The following KTN1 variants were observed in gnomAD, a reference collection of about 807,000 sequenced individuals.
KTN1 encodes the protein kinectin.
Under a neutral mutation model 222.5 loss-of-function variants are expected in KTN1, and 130 were observed. That is an observed-to-expected ratio of 0.58 (90% CI 0.51 to 0.68). The LOEUF (loss-of-function observed/expected upper bound fraction) is 0.68. Among genes scored for constraint, KTN1 ranks in the 30% least tolerant of loss-of-function variants. The pLI, the probability that KTN1 is intolerant of heterozygous loss-of-function variation, is 0.00. For missense variants in KTN1, 1,508 were observed against 1,500.4 expected, an observed-to-expected ratio of 1.01 and a Z score of -0.08; for synonymous variants, 512 against 496.3, an observed-to-expected ratio of 1.03 and a Z score of -0.42.
chr14:55,625,957 G>C lies in KTN1; in HGVS notation c.964-1955G>C, dbSNP rs972768553. ...ATTTACTGGATTTTTTTCAGTGTCT[G>C]ACCTACTCTACACACATCAAGGGAT... On this transcript the variant is annotated intron_variant, in intron 5 of 43. Coordinates refer to ENST00000395314, the MANE Select transcript of KTN1 (RefSeq NM_001079521.2). 2.0e-5 allele frequency among the ~76,000 whole-genome samples: 3 copies of C among 151,764 alleles called. No individual in the cohort carries two copies. In the South Asian group the frequency reaches 6.3e-4, roughly 32 times the overall value.
intron 1 of KTN1, among the ~76,000 whole-genome samples, chr14:55,587,584 A>G (rs1555354866): frequency 6.7e-6 from 1 of 148,252 alleles, no homozygotes; most frequent in Non-Finnish European, 1.5e-5. Context: ...GGTTGAATTC[A>G]CTTACGTGCC....
chr14:55,587,583 CA>C (rs201223995), intron 1 of KTN1, among the ~76,000 whole-genome samples: 2,014 of 152,258 alleles, frequency 0.013, 36 homozygotes, highest in Middle Eastern at 0.031. Context: ...AGGTTGAATT[CA>C]CTTACGTGCC....
intron 34 of KTN1, among the ~76,000 whole-genome samples, 191 bp from the exon 35 acceptor site, chr14:55,670,538 G>T (rs1051330569): frequency 1.3e-5 from 2 of 151,888 alleles, no homozygotes; most frequent in African/African-American, 4.8e-5. Context: ...TTTAGTGCTT[G>T]TTTTTCAAAG....
In KTN1 at chr14:55,612,033, C is replaced by A; in HGVS notation, c.-16C>A. ...TCCCTATTTAGGTTTTATAGGATCA[C>A]ATTGACAAAAGTACCATGGAGTTTT... On this transcript the variant is annotated 5_prime_UTR_variant, in exon 2 of 44. Coordinates refer to ENST00000395314, the MANE Select transcript of KTN1 (RefSeq NM_001079521.2). 1 of 1,368,264 alleles carries A rather than the reference C, an allele frequency of 7.3e-7. No homozygotes were observed. The highest frequency in any genetic ancestry group is 1.9e-5 in the South Asian group (1 of 51,366). 84.8% of individuals were successfully genotyped at this position (1,368,264 alleles called of 1,614,324 possible).
chr14:55,672,848 AGT>A, intron 38 of KTN1, 79 bp from the exon 39 acceptor site: 1 of 1,172,838 alleles, frequency 8.5e-7, no homozygotes, highest in Non-Finnish European at 1.3e-6. Context: ...TATATTCATA[AGT>A]GTCATAATTT....
At chr14:55,654,016 A>T (rs2043202095) in intron 28 of KTN1, among the ~76,000 whole-genome samples, 1 of 152,172 alleles carries the variant, frequency 6.6e-6, no homozygotes, top group African/African-American at 2.4e-5. Flanking sequence ...ACCTTTCTGT[A>T]ATTTTAATTT....
intron 12 of KTN1, 33 bp from the exon 13 acceptor site, chr14:55,639,152 T>C (rs1215836795): frequency 2.0e-6 from 3 of 1,467,692 alleles, no homozygotes; most frequent in South Asian, 2.3e-5. Flanking sequence ...TTCTCTTAAA[T>C]ACTTTTATGT....
rs771031959 is a variant in KTN1 at position 55,630,069 on chromosome 14, A to G, written c.1193A>G (p.Tyr398Cys). The G allele has an allele frequency of 2.5e-6, 4 of 1,610,396 alleles. No homozygotes were observed. The South Asian group carries it at 4.4e-5, about 18-fold the overall frequency. The change falls in exon 7 of 44, where the codon TAT (tyrosine) becomes TGT (cysteine). Residue 398 changes from tyrosine to cysteine, a missense_variant. Tyr to Cys is a radical substitution (Grantham distance 194). Transcript: ENST00000395314. The stretch of plus-strand genomic sequence containing the variant: ...TTTCAAAACAAAATACATGTCAGTT[A>G]TCAAGAGACTCAACAGATGCAGATG... ...NVFQNKIHVS[Y>C]QETQQMQMKF...
intron 28 of KTN1, among the ~76,000 whole-genome samples, chr14:55,654,811 T>C (rs575601959): frequency 6.6e-6 from 1 of 152,228 alleles, no homozygotes; most frequent in Non-Finnish European, 1.5e-5. Context: ...CAAAACAGTT[T>C]TACTGCCTTA....
At chr14:55,632,027 T>A (rs1350968663) in intron 7 of KTN1, among the ~76,000 whole-genome samples, 3 of 152,182 alleles carry the variant, frequency 2.0e-5, no homozygotes, top group Admixed American at 2.0e-4. Flanking sequence ...TCCTCTGAAA[T>A]GCCACTAATA....
chr14:55,621,917 C>T (rs1006832956), intron 5 of KTN1, among the ~76,000 whole-genome samples: 5 of 146,098 alleles, frequency 3.4e-5, no homozygotes, highest in Admixed American at 2.1e-4. Context: ...GGCGTGATCT[C>T]GGCTCACTGC....
At chr14:55,635,796 T>C (rs902778400) in intron 9 of KTN1, among the ~76,000 whole-genome samples, 3 of 152,200 alleles carry the variant, frequency 2.0e-5, no homozygotes, top group Non-Finnish European at 4.4e-5. Flanking sequence ...ATTGATAGAA[T>C]TGTACTTTGA....
chr14:55,664,975 A>G (rs916897139), intron 33 of KTN1, among the ~76,000 whole-genome samples: 2 of 149,092 alleles, frequency 1.3e-5, no homozygotes, highest in South Asian at 4.3e-4. Context: ...ATGTTTAAGC[A>G]TAAAATAGTT....
chr14:55,650,398 A>C lies in KTN1; in HGVS notation c.2476A>C (p.Asn826His). The C allele has an allele frequency of 6.2e-7, 1 of 1,610,574 alleles. No individual in the cohort carries two copies. Among genetic ancestry groups the C allele is most frequent in the Admixed American group, 1.7e-5 (1 of 59,398 alleles). ...GGAGGCAGAACTTCTCAAAGTTGCT[A>C]ACAAGGAGAAAACTGTTCAGGTATT... ...LLEAELLKVA[N>H]KEKTVQDLKQ... The change falls in exon 23 of 44, where the codon AAC (asparagine) becomes CAC (histidine). Residue 826 changes from asparagine to histidine, a missense_variant. Physicochemically the swap from Asn to His is moderately conservative, Grantham distance 68. Transcript: ENST00000395314.
intron 1 of KTN1, among the ~76,000 whole-genome samples, chr14:55,610,502 T>C (rs1401893545): frequency 6.6e-6 from 1 of 152,210 alleles, no homozygotes; most frequent in Non-Finnish European, 1.5e-5. Context: ...TTAGAATAAG[T>C]TACCCGTTTA....
chr14:55,612,683 A>G, intron 2 of KTN1, 112 bp downstream of exon 2: 4 of 865,638 alleles, frequency 4.6e-6, no homozygotes, highest in Non-Finnish European at 6.8e-6. Flanking sequence ...TGAAACCATG[A>G]TTATTCATTT....
At chr14:55,580,821 C>G (rs1566634187) in intron 1 of KTN1, among the ~76,000 whole-genome samples, 1 of 152,100 alleles carries the variant, frequency 6.6e-6, no homozygotes, top group Non-Finnish European at 1.5e-5. Flanking sequence ...GCGGCGTCCC[C>G]GGGCCGGAGC....
At chr14:55,642,898 A>T (rs528987871) in intron 18 of KTN1, among the ~76,000 whole-genome samples, 1 of 152,002 alleles carries the variant, frequency 6.6e-6, no homozygotes, top group Admixed American at 6.6e-5. Context: ...ATGGCATTTA[A>T]GGCTTATTCT....
chr14:55,679,808 C>T, intron 43 of KTN1, 123 bp downstream of exon 43: 1 of 1,031,770 alleles, frequency 9.7e-7, no homozygotes, highest in Non-Finnish European at 1.5e-6. Context: ...CTCAGAACTT[C>T]CAGATGACAG....
Sources: allele counts gnomAD v4.1 joint callset (sites outside exome capture counted in the v4.1 genomes callset), GRCh38; gene constraint gnomAD v4.1.1; transcripts MANE v1.5; gene names NCBI Gene and HGNC (gene_info 2026-07-23, HGNC 2026-07-21).